The following MAP4K5 variants were observed in gnomAD, a reference collection of about 807,000 sequenced individuals.
MAP4K5 encodes mitogen-activated protein kinase kinase kinase kinase 5.
Under a neutral mutation model 135.6 loss-of-function variants are expected in MAP4K5, and 82 were observed. That is an observed-to-expected ratio of 0.60 (90% CI 0.51 to 0.73). The LOEUF (loss-of-function observed/expected upper bound fraction) is 0.73. Among genes scored for constraint, MAP4K5 ranks in the 30% least tolerant of loss-of-function variants. The probability of loss-of-function intolerance (pLI) is 0.00; values close to 1 mark genes in which losing one functional copy is unlikely to be tolerated. For synonymous variants in MAP4K5, 347 were observed against 335.0 expected (o/e 1.04, Z -0.39); for missense variants, 907 against 1,010.9 (o/e 0.90, Z 1.39).
chr14:50,446,853 T>C (rs1012092000), intron 16 of MAP4K5, among the ~76,000 whole-genome samples: 4 of 152,246 alleles, frequency 2.6e-5, no homozygotes, highest in African/African-American at 9.6e-5. Flanking sequence ...AACTTATTTA[T>C]GACACTGAAA....
chr14:50,532,030 G>C lies in MAP4K5; in HGVS notation c.20C>G (p.Pro7Arg), dbSNP rs768983723. 2 of 1,575,492 alleles carry C rather than the reference G, an allele frequency of 1.3e-6. No individual in the cohort carries two copies. The highest frequency in any genetic ancestry group is 2.3e-5 in the South Asian group (2 of 86,698). The change falls in exon 2 of 33, where the codon CCT becomes CGT. Residue 7 changes from proline to arginine, a missense_variant. This residue lies in a region of MAP4K5 where 196 missense variants were observed against 189.3 expected (regional missense o/e 1.04). Transcript: ENST00000682126. ...GTTCCGCCTCAGGATGTCCGCGGCA[G>C]GCCGCAGCGGGGCCTCCATCTTCAC... The part of the protein sequence containing the change: MEAPLR[P>R]AADILRRNPQ...
Position 50,420,034 on chromosome 14 carries a change from A to T in MAP4K5, c.2526T>A (p.His842Gln). 6.2e-7 allele frequency: 1 copy of T among 1,608,390 alleles called. No individual in the cohort carries two copies. Among genetic ancestry groups the T allele is most frequent in the Non-Finnish European group, 8.5e-7 (1 of 1,176,860 alleles). ...AHSNLYILAG[H>Q]ENSY is the part of the protein sequence containing the mutation. Reference sequence around the variant, plus strand: ...TTTCTGTTGCTTAGTAACTATTTTCATGTCCAGCCAAGATGTAGAGATTGC... The same window carrying T: ...TTTCTGTTGCTTAGTAACTATTTTCTTGTCCAGCCAAGATGTAGAGATTGC... Residue 842 changes from histidine to glutamine, a missense_variant, in exon 33 of 33, where the codon CAT (histidine) becomes CAA (glutamine). His to Gln is a conservative substitution (Grantham distance 24). This residue lies in a region of MAP4K5 where 690 missense variants were observed against 777.4 expected (regional missense o/e 0.89). Transcript: ENST00000682126.
chr14:50,446,779 C>T (rs1396834184), intron 16 of MAP4K5, among the ~76,000 whole-genome samples: 2 of 152,108 alleles, frequency 1.3e-5, no homozygotes, highest in Non-Finnish European at 2.9e-5. Flanking sequence ...TGGAACTCTG[C>T]TGTTATAGTG....
intron 9 of MAP4K5, among the ~76,000 whole-genome samples, chr14:50,473,422 T>C (rs193036942): frequency 7.9e-5 from 12 of 152,304 alleles, no homozygotes; most frequent in African/African-American, 2.9e-4. Context: ...TATTATCATA[T>C]GTTACGATAC....
intron 2 of MAP4K5, among the ~76,000 whole-genome samples, chr14:50,521,100 TG>T (rs2038141868): frequency 6.6e-6 from 1 of 152,056 alleles, no homozygotes; most frequent in Non-Finnish European, 1.5e-5. Flanking sequence ...GGATTATAGG[TG>T]TGAGCCACCA....
chr14:50,508,896 A>G (rs1047355617), intron 2 of MAP4K5, among the ~76,000 whole-genome samples: 1 of 152,100 alleles, frequency 6.6e-6, no homozygotes, highest in Non-Finnish European at 1.5e-5. Flanking sequence ...TACCCAAAGG[A>G]TTATAAGTTA....
At chr14:50,451,986 C>G (rs1240279072) in intron 14 of MAP4K5, among the ~76,000 whole-genome samples, 4 of 152,074 alleles carry the variant, frequency 2.6e-5, no homozygotes, top group Non-Finnish European at 5.9e-5. Context: ...AGAAACTGTA[C>G]TTTGAATTTT....
chr14:50,446,907 T>C (rs1566646653), intron 16 of MAP4K5, among the ~76,000 whole-genome samples: 1 of 152,230 alleles, frequency 6.6e-6, no homozygotes, highest in Admixed American at 6.5e-5. Flanking sequence ...ATATAATTAT[T>C]CTTTTGATTT....
chr14:50,512,486 T>C (rs2037950176), intron 2 of MAP4K5, among the ~76,000 whole-genome samples: 1 of 152,140 alleles, frequency 6.6e-6, no homozygotes. Flanking sequence ...TATATGTGGT[T>C]ACAGAAGTAA....
At chr14:50,532,421 T>G in intron 1 of MAP4K5, 27 bp downstream of exon 1, 1 of 178,638 alleles carries the variant, frequency 5.6e-6, no homozygotes, top group Non-Finnish European at 1.2e-5. Flanking sequence ...GGCCCCGTCT[T>G]TGTTGAGCGC....
intron 2 of MAP4K5, among the ~76,000 whole-genome samples, chr14:50,531,164 C>T (rs1221642004): frequency 6.6e-6 from 1 of 152,220 alleles, no homozygotes; most frequent in Non-Finnish European, 1.5e-5. Flanking sequence ...CATTCAAGAA[C>T]TCAGCGGATT....
chr14:50,499,651 C>T (rs998045575), intron 3 of MAP4K5, among the ~76,000 whole-genome samples: 4 of 150,322 alleles, frequency 2.7e-5, no homozygotes, highest in African/African-American at 4.9e-5. Context: ...GAAAGAGACC[C>T]TGTTTAAAAA....
At chr14:50,449,887 C>CT (rs2036442163) in intron 14 of MAP4K5, 1 of 152,096 alleles carries the variant, frequency 6.6e-6, no homozygotes, top group African/African-American at 2.4e-5. Context: ...GCAAGCAGGT[C>CT]TAGAGCTGCA....
intron 6 of MAP4K5, among the ~76,000 whole-genome samples, chr14:50,480,981 A>C (rs1401851070): frequency 1.3e-5 from 2 of 152,108 alleles, no homozygotes; most frequent in African/African-American, 4.8e-5. Flanking sequence ...AATGTTATGC[A>C]GTACAGGATT....
intron 15 of MAP4K5, 125 bp from the exon 16 acceptor site, chr14:50,447,606 T>C (rs2036385040): frequency 1.6e-6 from 1 of 615,150 alleles, no homozygotes; most frequent in Non-Finnish European, 2.8e-6. Context: ...AATTTTTTAA[T>C]CTCTAGCTAG....
At chr14:50,456,794 G>C in intron 13 of MAP4K5, 200 bp from the exon 14 acceptor site, 1 of 454,316 alleles carries the variant, frequency 2.2e-6, no homozygotes, top group Admixed American at 3.9e-5. Flanking sequence ...AAATACTGAA[G>C]AGATTCAAAG....
chr14:50,560,463 G>A (rs2038824355), intron 1 of MAP4K5: 1 of 945,564 alleles, frequency 1.1e-6, no homozygotes, highest in Non-Finnish European at 1.6e-6. Flanking sequence ...AGGAACCATG[G>A]CCGAGCGGTA....
intron 2 of MAP4K5, among the ~76,000 whole-genome samples, chr14:50,531,079 TA>T (rs1386793554): frequency 2.0e-5 from 3 of 152,244 alleles, no homozygotes; most frequent in African/African-American, 7.2e-5. Context: ...TTAATATTCA[TA>T]GGCTGCACTA....
At chr14:50,538,078 C>A (rs970296872) in intron 2 of MAP4K5, among the ~76,000 whole-genome samples, 5 of 152,080 alleles carry the variant, frequency 3.3e-5, no homozygotes, top group African/African-American at 1.2e-4. Context: ...ATCTTGAATT[C>A]CCACGTGAGA....
Sources: allele counts gnomAD v4.1 joint callset (sites outside exome capture counted in the v4.1 genomes callset), GRCh38; gene constraint gnomAD v4.1.1; regional missense constraint gnomAD v4.1.1; transcripts MANE v1.5; gene names NCBI Gene and HGNC (gene_info 2026-07-23, HGNC 2026-07-21).